The following ZFAND4 variants were observed in gnomAD, a reference collection of about 807,000 sequenced individuals.
The protein encoded by ZFAND4 is zinc finger AN1-type containing 4.
In ZFAND4, 43 loss-of-function variants were observed where a neutral mutation model predicts 64.4. The observed-to-expected ratio is 0.67, with a 90% CI of 0.52 to 0.86. The LOEUF is 0.86. Among genes scored for constraint, ZFAND4 ranks in the 40% least tolerant of loss-of-function variants. The pLI is 0.00. For missense variants in ZFAND4, 929 were observed against 859.8 expected (o/e 1.08, Z -1.01); for synonymous variants, 296 against 305.7 (o/e 0.97, Z 0.33).
intron 8 of ZFAND4, among the ~76,000 whole-genome samples, chr10:45,623,047 C>T (rs965605727): frequency 5.9e-5 from 9 of 152,212 alleles, no homozygotes; most frequent in Non-Finnish European, 7.4e-5. Context: ...GTCACAGATA[C>T]GCAAATCAAA....
At chr10:45,628,135 G>A (rs1196074154) in intron 6 of ZFAND4, among the ~76,000 whole-genome samples, 1 of 152,066 alleles carries the variant, frequency 6.6e-6, no homozygotes. Context: ...TTAAAAATAA[G>A]CAAAAATGGT....
chr10:45,623,780 T>C (rs771822732), intron 8 of ZFAND4, among the ~76,000 whole-genome samples: 12 of 152,232 alleles, frequency 7.9e-5, no homozygotes, highest in Non-Finnish European at 1.5e-5. Context: ...ATTTATGTTA[T>C]GTTTATTTTA....
At position 45,626,402 on chromosome 10, in the gene ZFAND4, G is replaced by C. The variant is rs2045827406; in HGVS notation, c.1421C>G (p.Pro474Arg). 6.2e-7 allele frequency: 1 copy of C among 1,613,946 alleles called. No individual in the cohort carries two copies. Among genetic ancestry groups the C allele is most frequent in the Admixed American group, 1.7e-5 (1 of 60,000 alleles). The change falls in exon 7 of 10, where the codon CCT (proline) becomes CGT (arginine). Residue 474 changes from proline to arginine, a missense_variant. Pro to Arg is a moderately radical substitution (Grantham distance 103). Transcript: ENST00000344646. ...CGACATTGGTGCAGAACAGCGAAGA[G>C]GTGACAAGAGTCTATTCTTGTGAGG... ...LSPHKNRLLS[P>R]LRCSAPMSLH...
intron 2 of ZFAND4, among the ~76,000 whole-genome samples, chr10:45,656,883 G>A (rs72798232): frequency 0.036 from 5,474 of 152,158 alleles, 119 homozygotes; most frequent in Middle Eastern, 0.12. Context: ...CTGCAAACCA[G>A]AAAGAGTGCC....
intron 6 of ZFAND4, among the ~76,000 whole-genome samples, chr10:45,632,086 G>A (rs2133620893): frequency 6.6e-6 from 1 of 152,322 alleles, no homozygotes; most frequent in Non-Finnish European, 1.5e-5. Flanking sequence ...CGGGCATGGT[G>A]GCTCATGCCT....
chr10:45,628,222 T>A (rs776920190), intron 6 of ZFAND4, among the ~76,000 whole-genome samples: 2 of 152,210 alleles, frequency 1.3e-5, no homozygotes, highest in East Asian at 1.9e-4. Flanking sequence ...ATAAAATATA[T>A]GAAAATATAA....
At chr10:45,660,738 C>T (rs2048417032) in intron 2 of ZFAND4, among the ~76,000 whole-genome samples, 1 of 151,922 alleles carries the variant, frequency 6.6e-6, no homozygotes, top group African/African-American at 2.4e-5. Context: ...CATCAGAAAT[C>T]ATGCAAATAA....
chr10:45,639,862 A>G lies in ZFAND4; in HGVS notation c.671T>C (p.Met224Thr). Residue 224 changes from methionine (M) to threonine (T), a missense_variant, in exon 6 of 10, where the codon ATG (methionine) becomes ACG (threonine). By Grantham distance (81) the Met-to-Thr change is moderately conservative. Transcript: ENST00000344646. ...CTTCATCTTAGCCTTCAGCAGCTTC[A>G]TCTTATTCATAGTTATTGAATTTTC... ...IIENSITMNKMKLLKAKMKNM... is the reference protein window; with the variant it reads ...IIENSITMNKTKLLKAKMKNM... 1 of 1,613,142 alleles carries G rather than the reference A, an allele frequency of 6.2e-7. No homozygotes were observed. Among genetic ancestry groups the G allele is most frequent in the Non-Finnish European group, 8.5e-7 (1 of 1,179,830 alleles).
At chr10:45,640,484 A>C (rs1448937314) in intron 5 of ZFAND4, 5 of 1,143,054 alleles carry the variant, frequency 4.4e-6, no homozygotes, top group Non-Finnish European at 5.5e-6. Flanking sequence ...TCTATTCTTA[A>C]GGAGCAAAAA....
At chr10:45,671,559 TTC>T (rs1173165968) in intron 1 of ZFAND4, among the ~76,000 whole-genome samples, 2 of 152,150 alleles carry the variant, frequency 1.3e-5, no homozygotes, top group Non-Finnish European at 2.9e-5. Context: ...GAAACCATCA[TTC>T]TCAGCAAACT....
In ZFAND4 at chr10:45,648,551, GA is replaced by G. The variant is rs2047549108; in HGVS notation, c.329-18del. 1.3e-6 allele frequency: 2 copies of G among 1,582,748 alleles called. No homozygotes were observed. Among genetic ancestry groups the G allele is most frequent in the Admixed American group, 3.7e-5 (2 of 54,130 alleles). On this transcript the variant is annotated intron_variant, in intron 4 of 9. Coordinates refer to ENST00000344646, the MANE Select transcript of ZFAND4 (RefSeq NM_174890.4). Reference sequence around the variant, plus strand: ...CTGTAGGAACTACAAATGGAAAATTGAAATAAGTCTTCAATTTGGATCAAGT... The same window carrying G: ...CTGTAGGAACTACAAATGGAAAATTGAATAAGTCTTCAATTTGGATCAAGT...
At chr10:45,635,990 G>T (rs1435323180) in intron 6 of ZFAND4, among the ~76,000 whole-genome samples, 2 of 151,884 alleles carry the variant, frequency 1.3e-5, no homozygotes, top group Non-Finnish European at 1.5e-5. Context: ...TATTGGAAAA[G>T]AAAAATATAG....
chr10:45,655,108 A>G (rs1027436675), intron 2 of ZFAND4, among the ~76,000 whole-genome samples: 14 of 152,184 alleles, frequency 9.2e-5, no homozygotes, highest in Non-Finnish European at 2.1e-4. Context: ...GAAGCCACAA[A>G]AAAGTCTCAA....
intron 7 of ZFAND4, among the ~76,000 whole-genome samples, chr10:45,625,339 T>C (rs1281277333): frequency 6.6e-6 from 1 of 151,208 alleles, no homozygotes; most frequent in Non-Finnish European, 1.5e-5. Context: ...CCAGGCGTGG[T>C]GGTAGGTGCC....
rs748669178 is a variant in ZFAND4 at position 45,624,587 on chromosome 10, G to T, written c.1923C>A (p.Ser641Arg). Residue 641 changes from serine (S) to arginine (R), a missense_variant, in exon 8 of 10, where the codon AGC becomes AGA. Physicochemically the swap from Ser to Arg is moderately radical, Grantham distance 110 (BLOSUM62 -1). Transcript: ENST00000344646. The part of the protein sequence containing the change: ...MNGNNAAAGK[S>R]VGECTTHHLP... ...TCAAAATTATCTGTAGCTTACCTAC[G>T]CTTTTCCCTGCTGCTGCATTATTTC... 6.2e-7 allele frequency: 1 copy of T among 1,613,396 alleles called. No homozygotes were observed. The highest frequency in any genetic ancestry group is 1.3e-5 in the African/African-American group (1 of 74,838).
intron 9 of ZFAND4, among the ~76,000 whole-genome samples, chr10:45,617,591 G>GAAAAA (rs11362238): frequency 6.6e-4 from 47 of 71,028 alleles, no homozygotes; most frequent in East Asian, 1.3e-3. Context: ...TTACAGTACT[G>GAAAAA]AAAAAAAAAA....
chr10:45,637,563 A>C (rs2046693291), intron 6 of ZFAND4, among the ~76,000 whole-genome samples: 1 of 152,188 alleles, frequency 6.6e-6, no homozygotes, highest in East Asian at 1.9e-4. Context: ...CAGCCTGACC[A>C]ACAAGGTGAA....
At chr10:45,653,210 C>G (rs1416581060) in intron 2 of ZFAND4, 151 bp from the exon 3 acceptor site, 4 of 602,168 alleles carry the variant, frequency 6.6e-6, no homozygotes, top group Non-Finnish European at 1.2e-5. Flanking sequence ...TTTACAGAAT[C>G]ATAGGTAGAA....
chr10:45,662,563 A>C (rs1482763274), intron 2 of ZFAND4: 1 of 979,598 alleles, frequency 1.0e-6, no homozygotes, highest in Non-Finnish European at 1.2e-6. Context: ...ATAAACTATC[A>C]TGACTCTAGA....
Sources: gnomAD v4.1 joint callset for allele counts (sites outside exome capture counted in the v4.1 genomes callset) on GRCh38, gnomAD v4.1.1 for gene constraint, MANE v1.5 for transcripts, NCBI Gene and HGNC (gene_info 2026-07-23, HGNC 2026-07-21) for gene names.